The following PCDHGA3 variants were observed in gnomAD, a reference collection of about 807,000 sequenced individuals.
PCDHGA3 encodes the protein protocadherin gamma-A3.
Under a neutral mutation model 58.5 loss-of-function variants are expected in PCDHGA3, and 40 were observed. The ratio of observed to expected loss-of-function variants is 0.68; its 90% CI spans 0.53 to 0.89. PCDHGA3 has a LOEUF of 0.89. Among genes scored for constraint, PCDHGA3 ranks in the 40% least tolerant of loss-of-function variants. The pLI is 0.00. For missense variants in PCDHGA3, 1,223 were observed against 1,195.9 expected (o/e 1.02, Z -0.33); for synonymous variants, 530 against 525.7 (o/e 1.01, Z -0.11).
rs747159210 is a variant in PCDHGA3, at chr5:141,511,184, A to C, written c.*11A>C. 1.2e-5 allele frequency: 19 copies of C among 1,613,876 alleles called. No homozygotes were observed. In the Admixed American group the frequency reaches 3.2e-4, roughly 27 times the overall value. ...AAGGAGAAGAAGTAACATGGAGGCC[A>C]GGCCAAGAGCCACAGGGCGGCCTCT... is the stretch of plus-strand genomic sequence containing the variant. On this transcript the variant is annotated 3_prime_UTR_variant, in exon 4 of 4. Transcript: ENST00000253812.
chr5:141,382,576 G>A (rs1778302308), intron 1 of PCDHGA3, among the ~76,000 whole-genome samples: 1 of 152,162 alleles, frequency 6.6e-6, no homozygotes, highest in Non-Finnish European at 1.5e-5. Context: ...ATCTAACAGG[G>A]AAATTTTGAA....
intron 1 of PCDHGA3, chr5:141,398,388 C>G: frequency 6.9e-7 from 1 of 1,454,974 alleles, no homozygotes; most frequent in African/African-American, 1.4e-5. Flanking sequence ...TGCTTGTGAG[C>G]AGCAGGCTAG....
At chr5:141,421,783 A>G in intron 1 of PCDHGA3, 1 of 1,613,882 alleles carries the variant, frequency 6.2e-7, no homozygotes, top group East Asian at 2.2e-5. Flanking sequence ...ACTGCGGGGC[A>G]GAACGGATGG....
intron 1 of PCDHGA3, among the ~76,000 whole-genome samples, chr5:141,437,741 C>CTTT (rs35124340): frequency 4.2e-5 from 6 of 141,750 alleles, no homozygotes; most frequent in Admixed American, 7.0e-5. Flanking sequence ...TTGAGTTCAC[C>CTTT]TTTTTTTTTT....
intron 1 of PCDHGA3, among the ~76,000 whole-genome samples, chr5:141,354,389 C>A (rs971076627): frequency 1.3e-5 from 2 of 152,144 alleles, no homozygotes; most frequent in Non-Finnish European, 2.9e-5. Flanking sequence ...TAGCTTGTGG[C>A]CAAGAATCTA....
At chr5:141,457,647 T>C (rs929739178) in intron 1 of PCDHGA3, among the ~76,000 whole-genome samples, 6 of 152,256 alleles carry the variant, frequency 3.9e-5, no homozygotes, top group Non-Finnish European at 8.8e-5. Context: ...ATTATTTGCA[T>C]GAAGTGCAGC....
intron 1 of PCDHGA3, chr5:141,357,043 G>A: frequency 6.8e-6 from 11 of 1,614,048 alleles, no homozygotes; most frequent in Non-Finnish European, 9.3e-6. Context: ...CAGCGAGCCG[G>A]GACTATTTGC....
At chr5:141,389,514 G>C (rs1030106901) in intron 1 of PCDHGA3, 2 of 1,613,132 alleles carry the variant, frequency 1.2e-6, no homozygotes, top group Non-Finnish European at 1.7e-6. Flanking sequence ...CAGCGCGAAC[G>C]TGAGCCTGCG....
chr5:141,347,030 C>T (rs1466129961), intron 1 of PCDHGA3, among the ~76,000 whole-genome samples: 1 of 150,920 alleles, frequency 6.6e-6, no homozygotes, highest in Non-Finnish European at 1.5e-5. Flanking sequence ...TTTCCTCCTT[C>T]CTTCCTTCCT....
At chr5:141,357,138 C>T (rs999487031) in intron 1 of PCDHGA3, 4 of 1,613,416 alleles carry the variant, frequency 2.5e-6, no homozygotes, top group Admixed American at 3.3e-5. Flanking sequence ...TAGTGGTCGT[C>T]CAGGACCATG....
intron 1 of PCDHGA3, chr5:141,400,237 A>C (rs1375797222): frequency 3.7e-6 from 6 of 1,613,750 alleles, no homozygotes; most frequent in African/African-American, 1.3e-5. Flanking sequence ...CCTGGCCGTG[A>C]TTCTGGCCGT....
chr5:141,485,676 G>A lies in PCDHGA3; in HGVS notation c.2425-9131G>A. The A allele has an allele frequency of 6.2e-7, 1 of 1,612,928 alleles. No individual in the cohort carries two copies. The highest frequency in any genetic ancestry group is 2.2e-5 in the East Asian group (1 of 44,848). On this transcript the variant is annotated intron_variant, in intron 1 of 3. Coordinates refer to ENST00000253812, the MANE Select transcript of PCDHGA3 (RefSeq NM_018916.4). This position sits in a 1 kb window ranked among gnomAD's most constrained non-coding sequence, Gnocchi z 5.7. ...GCAGATGTGGGGAGCAATTCGATTA[G>A]CAGCTATAGGCTGAGCTCCAATGAA...
chr5:141,432,014 A>G lies in PCDHGA3; in HGVS notation c.2425-62793A>G, dbSNP rs778393699. The G allele has an allele frequency of 1.5e-5, 25 of 1,614,078 alleles. No individual in the cohort carries two copies. The highest frequency in any genetic ancestry group is 2.0e-5 in the Non-Finnish European group (24 of 1,180,036). ...GGATAGGGAACAGGTTCCTAGCTAC[A>G]ACATCACAGTGACCGCCACTGACCG... On this transcript the variant is annotated intron_variant, in intron 1 of 3. Coordinates refer to ENST00000253812, the MANE Select transcript of PCDHGA3 (RefSeq NM_018916.4). This position sits in a 1 kb window ranked among gnomAD's most constrained non-coding sequence, Gnocchi z 6.0.
chr5:141,361,129 A>T (rs369568903), intron 1 of PCDHGA3: 2 of 1,613,906 alleles, frequency 1.2e-6, no homozygotes, highest in Non-Finnish European at 1.7e-6. Context: ...AGCCCACTGC[A>T]GTATCCAAGT....
intron 1 of PCDHGA3, chr5:141,374,322 G>A: frequency 6.2e-7 from 1 of 1,613,980 alleles, no homozygotes; most frequent in Middle Eastern, 1.7e-4. Context: ...CTGAATCCGC[G>A]AAACGGCAGC....
At chr5:141,404,354 G>C in intron 1 of PCDHGA3, 1 of 1,613,916 alleles carries the variant, frequency 6.2e-7, no homozygotes. Context: ...CAACGCCAGA[G>C]GTACTTCCAT....
intron 1 of PCDHGA3, among the ~76,000 whole-genome samples, chr5:141,358,218 A>G (rs1306876220): frequency 6.6e-6 from 1 of 152,214 alleles, no homozygotes; most frequent in Non-Finnish European, 1.5e-5. Flanking sequence ...AAAGTAAAAT[A>G]AAGAATAAAT....
rs1289333371 is a variant in PCDHGA3, at chr5:141,460,404, G to C, written c.2425-34403G>C. Among the ~76,000 whole-genome samples, 21 of 152,038 alleles carry C rather than the reference G, an allele frequency of 1.4e-4. 1 individual carries two copies. The highest frequency in any genetic ancestry group is 1.4e-3 in the Admixed American group (21 of 15,256). Reference sequence around the variant, plus strand: ...TATAATTTGGTCTATGAATCCTTTTGAGTTGATGTTTATGTATGGTGTATG... The same window carrying C: ...TATAATTTGGTCTATGAATCCTTTTCAGTTGATGTTTATGTATGGTGTATG... On this transcript the variant is annotated intron_variant, in intron 1 of 3. Transcript: ENST00000253812.
At chr5:141,356,230 G>C (rs551700676) in intron 1 of PCDHGA3, 17 of 1,592,426 alleles carry the variant, frequency 1.1e-5, no homozygotes, top group Non-Finnish European at 1.5e-5. Flanking sequence ...AAATGACAAC[G>C]CACCAGAAGT....
Sources: allele counts gnomAD v4.1 joint callset (sites outside exome capture counted in the v4.1 genomes callset), GRCh38; gene constraint gnomAD v4.1.1; non-coding constraint Gnocchi (gnomAD v3.1); transcripts MANE v1.5; gene names NCBI Gene and HGNC (gene_info 2026-07-23, HGNC 2026-07-21).